STEAP4: variants seen among roughly 807,000 people sequenced by gnomAD.
The protein encoded by STEAP4 is STEAP4 metalloreductase.
STEAP4 carries 36 observed loss-of-function variants against 43.6 expected under a neutral mutation model. That is an observed-to-expected ratio of 0.83 (90% confidence interval 0.63 to 1.09). The LOEUF is 1.09. STEAP4 is among the 50% of genes least tolerant of loss of function. The pLI, the probability that STEAP4 is intolerant of heterozygous loss-of-function variation, is 0.00. For synonymous variants in STEAP4, 191 were observed against 196.7 expected, an observed-to-expected ratio of 0.97 and a Z score of 0.24; for missense variants, 495 against 546.5, an observed-to-expected ratio of 0.91 and a Z score of 0.94.
At chr7:88,293,992 A>T (rs902296046) in intron 1 of STEAP4, among the ~76,000 whole-genome samples, 3 of 151,882 alleles carry the variant, frequency 2.0e-5, no homozygotes, top group East Asian at 1.9e-4. Context: ...TGCTTAAATT[A>T]AAAAAAATGC....
chr7:88,276,668 C>T lies in STEAP4; in HGVS notation c.*2730G>A, dbSNP rs1852517842. ...ATCTGTTGTAAACTCATTCTTTCTA[C>T]CTTAAGTAAACTGGAGGAGTCAGCT... is the stretch of plus-strand genomic sequence containing the variant. On this transcript the variant is annotated 3_prime_UTR_variant, in exon 5 of 5. Coordinates refer to ENST00000380079, the MANE Select transcript of STEAP4 (RefSeq NM_024636.4). 6.5e-6 allele frequency: 1 copy of T among 152,832 alleles called. No individual in the cohort carries two copies. The allele number at this position is 152,832 out of a possible 1,614,324, so 9.5% of individuals were successfully genotyped here.
chr7:88,291,880 A>G (rs1475086471), intron 1 of STEAP4, among the ~76,000 whole-genome samples: 1 of 152,160 alleles, frequency 6.6e-6, no homozygotes, highest in Non-Finnish European at 1.5e-5. Context: ...GAAATACAAC[A>G]GAAATATTTC....
chr7:88,299,605 T>G (rs550599980), intron 1 of STEAP4, among the ~76,000 whole-genome samples: 53 of 152,216 alleles, frequency 3.5e-4, no homozygotes, highest in Non-Finnish European at 7.1e-4. Flanking sequence ...CTGCATCAAC[T>G]CCCCTAATAT....
chr7:88,283,130 T>G lies in STEAP4; in HGVS notation c.495A>C (p.Arg165Ser), dbSNP rs1852658981. 6.3e-7 allele frequency: 1 copy of G among 1,575,248 alleles called. No homozygotes were observed. The highest frequency in any genetic ancestry group is 8.6e-7 in the Non-Finnish European group (1 of 1,163,050). ...VCGNDSKAKQ[R>S]VMDIVRNLGL... ...CAAGATTACGAACAATATCCATCAC[T>G]CTTTGCTTGGCTTTGCTGTCATTTC... The change falls in exon 3 of 5, where the codon AGA becomes AGC. Residue 165 changes from arginine (R) to serine (S), a missense_variant. Coordinates refer to ENST00000380079, the MANE Select transcript of STEAP4 (RefSeq NM_024636.4).
Position 88,282,835 on chromosome 7 carries a change from T to C in STEAP4, c.790A>G (p.Ile264Val). 1 of 1,614,082 alleles carries C rather than the reference T, an allele frequency of 6.2e-7. No homozygotes were observed. The highest frequency in any genetic ancestry group is 8.5e-7 in the Non-Finnish European group (1 of 1,180,024). Residue 264 changes from isoleucine to valine, a missense_variant, in exon 3 of 5, where the codon ATT becomes GTT. Coordinates refer to ENST00000380079, the MANE Select transcript of STEAP4 (RefSeq NM_024636.4). The part of the protein sequence containing the change: ...LLALVYLPGV[I>V]AAILQLYRGT... Reference sequence around the variant, plus strand: ...CGGTACAGTTGTAGAATGGCAGCAATAACACCAGGGAGGTAAACCAAAGCA... The same window carrying C: ...CGGTACAGTTGTAGAATGGCAGCAACAACACCAGGGAGGTAAACCAAAGCA...
chr7:88,297,803 G>A (rs754200148), intron 1 of STEAP4, among the ~76,000 whole-genome samples: 4 of 152,056 alleles, frequency 2.6e-5, no homozygotes, highest in Non-Finnish European at 5.9e-5. Context: ...AATTTATGAT[G>A]GGGTTACATC....
Position 88,279,435 on chromosome 7 carries a change from C to G in STEAP4, c.1343G>C (p.Arg448Thr). ...GTTCCTTTCCCAGCCCTGGCGGATC[C>G]TTGTAAGGGTGTTGTCTACACATGG... The part of the protein sequence containing the change: ...IMPCVDNTLT[R>T]IRQGWERNSK... Residue 448 changes from arginine to threonine, a missense_variant, in exon 5 of 5, where the codon AGG (arginine) becomes ACG (threonine). Physicochemically the swap from Arg to Thr is moderately conservative, Grantham distance 71. Transcript: ENST00000380079. The G allele has an allele frequency of 1.9e-6, 3 of 1,614,090 alleles. No homozygotes were observed. The highest frequency in any genetic ancestry group is 2.5e-6 in the Non-Finnish European group (3 of 1,179,998).
chr7:88,280,881 A>G, intron 4 of STEAP4, 34 bp downstream of exon 4: 5 of 1,508,444 alleles, frequency 3.3e-6, no homozygotes, highest in Non-Finnish European at 4.4e-6. Flanking sequence ...GATGGAGCAA[A>G]ATGAAAAGTT....
intron 1 of STEAP4, among the ~76,000 whole-genome samples, chr7:88,298,750 TAATATA>T (rs1383059735): frequency 1.3e-5 from 2 of 152,322 alleles, no homozygotes; most frequent in Admixed American, 1.3e-4. Context: ...TGCTATAGAT[TAATATA>T]AATATATCAT....
Position 88,273,291 on chromosome 7 carries a change from AAAATG to A in STEAP4, c.*6102_*6106del. 1 of 152,232 alleles carries A rather than the reference AAAATG, an allele frequency of 6.6e-6. No homozygotes were observed. Among genetic ancestry groups the A allele is most frequent in the East Asian group, 1.9e-4 (1 of 5,200 alleles). The allele number at this position is 152,232 out of a possible 1,614,324, so 9.4% of individuals were successfully genotyped here. On this transcript the variant is annotated 3_prime_UTR_variant, in exon 5 of 5. Coordinates refer to ENST00000380079, the MANE Select transcript of STEAP4 (RefSeq NM_024636.4). ...CTTAGCATGAAAGAAAGGATTAGTAAAAATGAAATGAATACACTGGGTGGGCTCCT... is the reference window on the plus strand; with the variant it reads ...CTTAGCATGAAAGAAAGGATTAGTAAAAATGAATACACTGGGTGGGCTCCT...
At chr7:88,286,400 A>G (rs1055880545) in intron 1 of STEAP4, among the ~76,000 whole-genome samples, 2 of 152,248 alleles carry the variant, frequency 1.3e-5, no homozygotes, top group African/African-American at 2.4e-5. Context: ...ACATTAAATA[A>G]GCCTAATATA....
rs577640313 is a variant in STEAP4 at position 88,278,710 on chromosome 7, A to G, written c.*688T>C. ...TCAGTCTTTCCTATACCTATTCTTT[A>G]TAGAGGAAGAATTACATGCCAGCTC... On this transcript the variant is annotated 3_prime_UTR_variant, in exon 5 of 5. Coordinates refer to ENST00000380079, the MANE Select transcript of STEAP4 (RefSeq NM_024636.4). The G allele has an allele frequency of 1.6e-4, 25 of 152,440 alleles. No homozygotes were observed. The highest frequency in any genetic ancestry group is 7.8e-4 in the Admixed American group (12 of 15,318). 9.4% of individuals were successfully genotyped at this position (152,440 alleles called of 1,614,324 possible). A position where few individuals can be genotyped will look rare whatever the true frequency, so the allele number is the denominator to read the frequency against.
At chr7:88,302,642 T>G (rs1853054859) in intron 1 of STEAP4, among the ~76,000 whole-genome samples, 1 of 152,138 alleles carries the variant, frequency 6.6e-6, no homozygotes, top group South Asian at 2.1e-4. Flanking sequence ...CTGTTCTTAA[T>G]GCATTTTTTT....
At chr7:88,303,845 T>C (rs1430776720) in intron 1 of STEAP4, among the ~76,000 whole-genome samples, 2 of 152,252 alleles carry the variant, frequency 1.3e-5, no homozygotes, top group Non-Finnish European at 2.9e-5. Flanking sequence ...AATTATTCTT[T>C]AGTTATTTAT....
intron 1 of STEAP4, among the ~76,000 whole-genome samples, chr7:88,291,535 C>G (rs549750607): frequency 6.8e-6 from 1 of 146,890 alleles, no homozygotes; most frequent in Non-Finnish European, 1.5e-5. Context: ...TGCACACTCT[C>G]AACCACAAGG....
Position 88,283,127 on chromosome 7 carries a change from C to A in STEAP4, c.498G>T (p.Val166=), listed in dbSNP as rs777472139. The A allele has an allele frequency of 6.3e-7, 1 of 1,583,788 alleles. No individual in the cohort carries two copies. Among genetic ancestry groups the A allele is most frequent in the Non-Finnish European group, 8.6e-7 (1 of 1,166,938 alleles). Residue 166 remains valine (V), a synonymous_variant, in exon 3 of 5, where the codon GTG becomes GTT. Coordinates refer to ENST00000380079, the MANE Select transcript of STEAP4 (RefSeq NM_024636.4). ...GTCCAAGATTACGAACAATATCCAT[C>A]ACTCTTTGCTTGGCTTTGCTGTCAT... is the stretch of plus-strand genomic sequence containing the variant. ...CGNDSKAKQR[V]MDIVRNLGLT...
At position 88,282,631 on chromosome 7, in the gene STEAP4, A is replaced by T. The variant is rs746266808; in HGVS notation, c.984+10T>A. On this transcript the variant is annotated intron_variant, in intron 3 of 4. Transcript: ENST00000380079. Reference sequence around the variant, plus strand: ...CAGGAGCAGAAGAAAATATATAAGAAGAGATTTACCTGGGTAACGGTTAAG... The same window carrying T: ...CAGGAGCAGAAGAAAATATATAAGATGAGATTTACCTGGGTAACGGTTAAG... 6.2e-7 allele frequency: 1 copy of T among 1,605,086 alleles called. No individual in the cohort carries two copies. Among genetic ancestry groups the T allele is most frequent in the Non-Finnish European group, 8.5e-7 (1 of 1,174,366 alleles).
intron 2 of STEAP4, chr7:88,283,550 T>G (rs1169009409): frequency 1.1e-5 from 6 of 530,172 alleles, no homozygotes; most frequent in Non-Finnish European, 1.7e-5. Context: ...CACCAAGTAT[T>G]AGTTTCTAGT....
intron 2 of STEAP4, 38 bp from the exon 3 acceptor site, chr7:88,283,206 C>A: frequency 6.7e-7 from 1 of 1,499,308 alleles, no homozygotes; most frequent in Non-Finnish European, 8.9e-7. Context: ...GTATTTACTC[C>A]TTTTCCTTAT....
Sources: gnomAD v4.1 joint callset for allele counts (sites outside exome capture counted in the v4.1 genomes callset) on GRCh38, gnomAD v4.1.1 for gene constraint, MANE v1.5 for transcripts, NCBI Gene and HGNC (gene_info 2026-07-23, HGNC 2026-07-21) for gene names.